Variants in SCAPER observed in about 807,000 individuals in gnomAD.
SCAPER encodes S phase cyclin A-associated protein in the endoplasmic reticulum.
SCAPER carries 98 observed loss-of-function variants against 182.2 expected under a neutral mutation model. The ratio of observed to expected loss-of-function variants is 0.54; its 90% CI spans 0.46 to 0.64. SCAPER has a LOEUF of 0.64. Among genes scored for constraint, SCAPER ranks in the 30% least tolerant of loss-of-function variants. SCAPER has a pLI of 0.00. For synonymous variants in SCAPER, 605 were observed against 564.6 expected (o/e 1.07, Z -1.01); for missense variants, 1,432 against 1,690.0 (o/e 0.85, Z 2.68).
intron 14 of SCAPER, 94 bp from the exon 15 acceptor site, chr15:76,754,042 T>G (rs576924313): frequency 7.4e-7 from 1 of 1,342,666 alleles, no homozygotes; most frequent in Non-Finnish European, 1.0e-6. Flanking sequence ...ATATAAACTC[T>G]AAGCGTGGAA....
intron 25 of SCAPER, among the ~76,000 whole-genome samples, chr15:76,451,573 T>C (rs1379830848): frequency 1.3e-5 from 2 of 152,196 alleles, no homozygotes; most frequent in African/African-American, 2.4e-5. Context: ...GTCAGAAACG[T>C]TAATGAGACC....
intron 15 of SCAPER, among the ~76,000 whole-genome samples, chr15:76,740,568 C>T (rs944598023): frequency 2.7e-4 from 41 of 152,018 alleles, no homozygotes; most frequent in Admixed American, 2.7e-3. Context: ...GGAATAATGT[C>T]TTGAAGTTCT....
intron 15 of SCAPER, among the ~76,000 whole-genome samples, chr15:76,738,312 G>A (rs1224892723): frequency 6.6e-6 from 1 of 152,072 alleles, no homozygotes; most frequent in Non-Finnish European, 1.5e-5. Flanking sequence ...AAATGTTTTG[G>A]TAGAGATGGG....
At chr15:76,353,879 C>A in intron 30 of SCAPER, 70 bp downstream of exon 30, 1 of 1,332,214 alleles carries the variant, frequency 7.5e-7, no homozygotes, top group East Asian at 2.9e-5. Context: ...AAACAGCTGG[C>A]TTACTTTTAC....
intron 26 of SCAPER, among the ~76,000 whole-genome samples, chr15:76,431,895 T>G (rs543306575): frequency 3.3e-5 from 5 of 151,960 alleles, no homozygotes; most frequent in Admixed American, 2.6e-4. Context: ...GTCACATGAG[T>G]TATTTGGTTT....
rs1009538499 is a variant in SCAPER, at chr15:76,680,724, A to G, written c.2509-14935T>C. On this transcript the variant is annotated intron_variant, in intron 20 of 31. Coordinates refer to ENST00000563290, the MANE Select transcript of SCAPER (RefSeq NM_020843.4). ...TCACTCTCTTGCTTCCTCTCTCACC[A>G]TGTGATCTCTGCATGCACCAGCTCC... Among the ~76,000 whole-genome samples the G allele has an allele frequency of 1.1e-4, 17 of 152,212 alleles. No individual in the cohort carries two copies. The East Asian group carries it at 3.1e-3, about 28-fold the overall frequency.
At chr15:76,821,292 C>A (rs985433057) in intron 5 of SCAPER, among the ~76,000 whole-genome samples, 1 of 152,138 alleles carries the variant, frequency 6.6e-6, no homozygotes, top group East Asian at 1.9e-4. Flanking sequence ...ATATTGCTCA[C>A]GGCTAAGAAG....
rs572026684 is a variant in SCAPER at position 76,481,585 on chromosome 15, A to C, written c.2955-10250T>G. 5.1e-4 allele frequency among the ~76,000 whole-genome samples: 77 copies of C among 152,344 alleles called. 1 individual carries two copies. In the South Asian group the frequency reaches 0.012, roughly 24 times the overall value. On this transcript the variant is annotated intron_variant, in intron 24 of 31. Transcript: ENST00000563290. Reference sequence around the variant, plus strand: ...AATTACACAAAAATATAGCTTAGTTAGTTGTTATAAGGAAAACATCCTTGA... The same window carrying C: ...AATTACACAAAAATATAGCTTAGTTCGTTGTTATAAGGAAAACATCCTTGA...
chr15:76,757,348 TTCTC>T lies in SCAPER; in HGVS notation c.1726-3404_1726-3401del, dbSNP rs370705900. 3.7e-3 allele frequency among the ~76,000 whole-genome samples: 565 copies of T among 152,088 alleles called. 7 individuals carry two copies. The highest frequency in any genetic ancestry group is 0.013 in the African/African-American group (539 of 41,508). On this transcript the variant is annotated intron_variant, in intron 14 of 31. Coordinates refer to ENST00000563290, the MANE Select transcript of SCAPER (RefSeq NM_020843.4). ...ACATAGAAGTGAGATCATGCAGCAT[TTCTC>T]TCTCTCATTTCACTTAGCTTAATAT...
intron 25 of SCAPER, among the ~76,000 whole-genome samples, chr15:76,466,610 T>C (rs749687656): frequency 4.0e-5 from 6 of 151,732 alleles, no homozygotes; most frequent in Non-Finnish European, 8.8e-5. Context: ...CTTTGGGCCA[T>C]GTTTCCCTGT....
intron 23 of SCAPER, among the ~76,000 whole-genome samples, chr15:76,551,324 A>G (rs1369880673): frequency 1.3e-5 from 2 of 152,208 alleles, no homozygotes; most frequent in Non-Finnish European, 2.9e-5. Flanking sequence ...TCCATCAATG[A>G]ATGGATGGAT....
At chr15:76,564,912 A>G (rs1219922756) in intron 23 of SCAPER, among the ~76,000 whole-genome samples, 1 of 152,170 alleles carries the variant, frequency 6.6e-6, no homozygotes, top group East Asian at 1.9e-4. Context: ...AAAAACAAGC[A>G]ATGGGGAAAG....
chr15:76,568,514 C>T lies in SCAPER; in HGVS notation c.2838+5644G>A, dbSNP rs547055931. Among the ~76,000 whole-genome samples the T allele has an allele frequency of 2.6e-5, 4 of 152,054 alleles. No individual in the cohort carries two copies. The South Asian group carries it at 8.3e-4, about 32-fold the overall frequency. On this transcript the variant is annotated intron_variant, in intron 23 of 31. Coordinates refer to ENST00000563290, the MANE Select transcript of SCAPER (RefSeq NM_020843.4). The stretch of plus-strand genomic sequence containing the variant: ...GTGATTACAGGTGCCCACCACCACA[C>T]CTGGCTAATTTTTTTTATTTTTAGT...
At chr15:76,817,706 A>G (rs1208623670) in intron 5 of SCAPER, among the ~76,000 whole-genome samples, 6 of 152,188 alleles carry the variant, frequency 3.9e-5, no homozygotes, top group African/African-American at 1.4e-4. Context: ...ATATATGTAA[A>G]TAAACAGAAT....
At chr15:76,758,026 A>G (rs924421407) in intron 14 of SCAPER, among the ~76,000 whole-genome samples, 9 of 152,012 alleles carry the variant, frequency 5.9e-5, no homozygotes, top group African/African-American at 2.2e-4. Context: ...TTTTACAAAT[A>G]TTTTCCCATT....
chr15:76,703,441 AAAGCATATGCTT>A (rs1163505922), intron 18 of SCAPER, among the ~76,000 whole-genome samples: 3 of 152,194 alleles, frequency 2.0e-5, no homozygotes, highest in East Asian at 3.8e-4. Context: ...ACCTACGGGT[AAAGCATATGCTT>A]ATCCATACAG....
rs200070656 is a variant in SCAPER at position 76,841,774 on chromosome 15, T to A, written c.353A>T (p.Tyr118Phe). 6.2e-7 allele frequency: 1 copy of A among 1,613,946 alleles called. No homozygotes were observed. Among genetic ancestry groups the A allele is most frequent in the Non-Finnish European group, 8.5e-7 (1 of 1,179,878 alleles). ...ACTCTGATCTGATTCGCAAGTTACA[T>A]AGATTTCATCTACTGCTCGGCGAAG... The part of the protein sequence containing the change: ...DNLRRAVDEI[Y>F]VTCESDQSVV... Residue 118 changes from tyrosine to phenylalanine, a missense_variant, in exon 5 of 32, where the codon TAT becomes TTT. This residue lies in a region of SCAPER where 480 missense variants were observed against 510.2 expected (regional missense o/e 0.94). Coordinates refer to ENST00000563290, the MANE Select transcript of SCAPER (RefSeq NM_020843.4).
At position 76,761,665 on chromosome 15, in the gene SCAPER, T is replaced by C. The variant is rs564011428; in HGVS notation, c.1725+3296A>G. Among the ~76,000 whole-genome samples, 6 of 152,338 alleles carry C rather than the reference T, an allele frequency of 3.9e-5. No homozygotes were observed. The East Asian group carries it at 1.2e-3, about 29-fold the overall frequency. On this transcript the variant is annotated intron_variant, in intron 14 of 31. Coordinates refer to ENST00000563290, the MANE Select transcript of SCAPER (RefSeq NM_020843.4). ...CTAAAAGATATTGGTATGATTTCCA[T>C]CTTCTTAAATTTCTAAAGACTTGTG...
In SCAPER at chr15:76,704,984, G is replaced by A. The variant is rs188842556; in HGVS notation, c.2247+919C>T. ...TAGTTTGACCATTGTGGAAGTCAGT[G>A]TGGCGATTCCTCAGGGATCTAGAAC... is the stretch of plus-strand genomic sequence containing the variant. On this transcript the variant is annotated intron_variant, in intron 18 of 31. Transcript: ENST00000563290. Among the ~76,000 whole-genome samples, 8 of 152,282 alleles carry A rather than the reference G, an allele frequency of 5.3e-5. No individual in the cohort carries two copies. The East Asian group carries it at 1.4e-3, about 26-fold the overall frequency.
Sources: allele counts gnomAD v4.1 joint callset (sites outside exome capture counted in the v4.1 genomes callset), GRCh38; gene constraint gnomAD v4.1.1; regional missense constraint gnomAD v4.1.1; transcripts MANE v1.5; gene names NCBI Gene and HGNC (gene_info 2026-07-23, HGNC 2026-07-21).